The following RUNX1 variants were observed in gnomAD, a reference collection of about 807,000 sequenced individuals.
RUNX1 encodes the protein runt-related transcription factor 1.
In RUNX1, 19 loss-of-function variants were observed where a neutral mutation model predicts 42.8. The ratio of observed to expected loss-of-function variants is 0.44; its 90% CI spans 0.31 to 0.65. The LOEUF (loss-of-function observed/expected upper bound fraction) is 0.65. Ranked by LOEUF, RUNX1 falls within the 30% of genes least tolerant of loss-of-function variation. The pLI, the probability that RUNX1 is intolerant of heterozygous loss-of-function variation, is 0.07. For synonymous variants in RUNX1, 271 were observed against 289.4 expected (o/e 0.94, Z 0.64); for missense variants, 528 against 672.0 (o/e 0.79, Z 2.37).
intron 2 of RUNX1, among the ~76,000 whole-genome samples, chr21:34,899,811 A>C (rs544448062): frequency 6.6e-6 from 1 of 152,338 alleles, no homozygotes; most frequent in Non-Finnish European, 1.5e-5. Context: ...TTGTATTACC[A>C]GTCAAATTTC....
intron 2 of RUNX1, among the ~76,000 whole-genome samples, chr21:35,011,394 A>T (rs1333077964): frequency 2.0e-5 from 3 of 152,188 alleles, no homozygotes; most frequent in Non-Finnish European, 4.4e-5. Context: ...CTAATTCATA[A>T]GAGTTGTCAC....
At chr21:34,977,111 G>T (rs1358869146) in intron 2 of RUNX1, among the ~76,000 whole-genome samples, 4 of 152,138 alleles carry the variant, frequency 2.6e-5, no homozygotes, top group Non-Finnish European at 4.4e-5. Flanking sequence ...GTTGTGTTTT[G>T]TTGTTGCTGC....
intron 6 of RUNX1, 191 bp downstream of exon 6, chr21:34,859,283 G>GAGCT (rs1305533896): frequency 1.1e-5 from 7 of 618,836 alleles, no homozygotes; most frequent in Non-Finnish European, 2.1e-5. Flanking sequence ...GCTTCAAAAA[G>GAGCT]AGCTCAGTGC....
chr21:34,859,676 G>A, intron 5 of RUNX1, 98 bp from the exon 6 acceptor site: 6 of 1,041,492 alleles, frequency 5.8e-6, no homozygotes, highest in African/African-American at 1.6e-5. Context: ...CAGCCCTTCA[G>A]CACAAGTTAC....
chr21:34,859,165 G>A (rs1032698008), intron 6 of RUNX1, among the ~76,000 whole-genome samples: 3 of 152,182 alleles, frequency 2.0e-5, no homozygotes, highest in African/African-American at 7.2e-5. Context: ...TTCTGATCCT[G>A]TTGAACTTTA....
intron 6 of RUNX1, among the ~76,000 whole-genome samples, chr21:34,839,901 T>C (rs1202614314): frequency 1.3e-5 from 2 of 152,218 alleles, no homozygotes; most frequent in African/African-American, 4.8e-5. Context: ...TAAATATGCC[T>C]GAACTGTGTT....
chr21:34,836,523 A>T (rs1349899762), intron 6 of RUNX1, among the ~76,000 whole-genome samples: 1 of 152,196 alleles, frequency 6.6e-6, no homozygotes. Flanking sequence ...TCTTGCAGAA[A>T]AACAAACAAT....
chr21:34,962,204 T>C (rs2058686495), intron 2 of RUNX1, among the ~76,000 whole-genome samples: 1 of 152,220 alleles, frequency 6.6e-6, no homozygotes, highest in African/African-American at 2.4e-5. Flanking sequence ...TAAGTTGTAT[T>C]TAAATTCTTT....
chr21:34,835,382 G>C (rs2057131108), intron 6 of RUNX1, among the ~76,000 whole-genome samples: 1 of 152,096 alleles, frequency 6.6e-6, no homozygotes, highest in African/African-American at 2.4e-5. Flanking sequence ...TCCCCAGGGG[G>C]CTCAGGACTG....
intron 2 of RUNX1, among the ~76,000 whole-genome samples, chr21:35,018,749 G>A (rs2146936908): frequency 6.6e-6 from 1 of 152,162 alleles, no homozygotes; most frequent in South Asian, 2.1e-4. Flanking sequence ...CTCACCCTGG[G>A]ACCCTTGATT....
At chr21:34,928,888 A>C (rs1243412636) in intron 2 of RUNX1, among the ~76,000 whole-genome samples, 1 of 148,666 alleles carries the variant, frequency 6.7e-6, no homozygotes, top group East Asian at 2.0e-4. Context: ...CAGTCTCCAC[A>C]CAATGCAGTG....
At chr21:34,919,710 A>C (rs768549063) in intron 2 of RUNX1, among the ~76,000 whole-genome samples, 1 of 152,236 alleles carries the variant, frequency 6.6e-6, no homozygotes, top group Non-Finnish European at 1.5e-5. Context: ...AATTAGATTC[A>C]GGAAGTGGCA....
In RUNX1 at chr21:34,821,642, G is replaced by T. The variant is rs758793198; in HGVS notation, c.805+12768C>A. On this transcript the variant is annotated intron_variant, in intron 7 of 8. Transcript: ENST00000675419. The stretch of plus-strand genomic sequence containing the variant: ...TAGCTCTATCCTGGCTGGGGAGAGG[G>T]ATGGACAGAAGAACTGACTTCTGCC... 3 of 1,564,136 alleles carry T rather than the reference G, an allele frequency of 1.9e-6. No individual in the cohort carries two copies. The Admixed American group carries it at 5.7e-5, about 30-fold the overall frequency.
intron 5 of RUNX1, among the ~76,000 whole-genome samples, chr21:34,871,161 G>A (rs1054449543): frequency 6.6e-6 from 1 of 152,058 alleles, no homozygotes; most frequent in Non-Finnish European, 1.5e-5. Flanking sequence ...TTGGGTCTCC[G>A]TTCCTACACA....
chr21:35,038,572 CCTCTCTCT>C (rs59976658), intron 2 of RUNX1: 4,492 of 334,256 alleles, frequency 0.013, 70 homozygotes, highest in African/African-American at 0.08. Flanking sequence ...TGAATGCTGG[CCTCTCTCT>C]CTCTCTCTCT....
At chr21:34,877,646 C>G (rs1274219751) in intron 5 of RUNX1, among the ~76,000 whole-genome samples, 1 of 152,154 alleles carries the variant, frequency 6.6e-6, no homozygotes, top group Non-Finnish European at 1.5e-5. Flanking sequence ...GTGTAGCCAG[C>G]GAGGCCATCA....
rs2057883627 is a variant in RUNX1 at position 34,880,553 on chromosome 21, G to GT, written c.508+3dup. ...TTCAAGCATAGTTTTGACAGATAAC[G>GT]TACCTCTTCCACTTCGACCGACAAA... On this transcript the variant is annotated splice_donor_region_variant and intron_variant, in intron 5 of 8. Coordinates refer to ENST00000675419, the MANE Select transcript of RUNX1 (RefSeq NM_001754.5). 1 of 1,613,764 alleles carries GT rather than the reference G, an allele frequency of 6.2e-7. No individual in the cohort carries two copies. The highest frequency in any genetic ancestry group is 8.5e-7 in the Non-Finnish European group (1 of 1,179,818).
intron 2 of RUNX1, among the ~76,000 whole-genome samples, chr21:34,980,682 T>C (rs972065155): frequency 6.6e-6 from 1 of 151,908 alleles, no homozygotes; most frequent in Non-Finnish European, 1.5e-5. Flanking sequence ...GAAGGAGGAT[T>C]TCCCTTCCAG....
At chr21:35,002,153 C>T (rs919995985) in intron 2 of RUNX1, among the ~76,000 whole-genome samples, 7 of 151,540 alleles carry the variant, frequency 4.6e-5, no homozygotes, top group Admixed American at 1.3e-4. Context: ...TAATAAGACC[C>T]ATCCTGAAAT....
Sources: allele counts gnomAD v4.1 joint callset (sites outside exome capture counted in the v4.1 genomes callset), GRCh38; gene constraint gnomAD v4.1.1; transcripts MANE v1.5; gene names NCBI Gene and HGNC (gene_info 2026-07-23, HGNC 2026-07-21).